SLC25A26: variants seen among roughly 807,000 people sequenced by gnomAD.
The protein encoded by SLC25A26 is mitochondrial S-adenosylmethionine carrier protein.
Under a neutral mutation model 37.8 loss-of-function variants are expected in SLC25A26, and 36 were observed. The ratio of observed to expected loss-of-function variants is 0.95; its 90% confidence interval spans 0.73 to 1.26. The LOEUF (loss-of-function observed/expected upper bound fraction) is 1.26. Ranked by LOEUF, SLC25A26 falls within the 50% of genes most tolerant of loss-of-function variation. The pLI is 0.00. For missense variants in SLC25A26, 390 were observed against 331.1 expected, an observed-to-expected ratio of 1.18 and a Z score of -1.38; for synonymous variants, 129 against 122.5, an observed-to-expected ratio of 1.05 and a Z score of -0.35.
upstream of SLC25A26, among the ~76,000 whole-genome samples, chr3:66,220,245 T>A (rs549422567): frequency 7.4e-4 from 112 of 152,208 alleles, no homozygotes; most frequent in Non-Finnish European, 1.4e-3. Flanking sequence ...ATCATAGGGT[T>A]GGTGAAAGGA....
At chr3:66,338,967 A>G (rs1404509412) in intron 5 of SLC25A26, among the ~76,000 whole-genome samples, 3 of 151,684 alleles carry the variant, frequency 2.0e-5, no homozygotes, top group Non-Finnish European at 4.4e-5. Flanking sequence ...ACCATATTTT[A>G]TTTATTCATT....
intron 5 of SLC25A26, among the ~76,000 whole-genome samples, chr3:66,335,223 A>T (rs2076067008): frequency 6.6e-6 from 1 of 152,206 alleles, no homozygotes; most frequent in Non-Finnish European, 1.5e-5. Context: ...TGTATAAAGC[A>T]GATTATTTGT....
intron 5 of SLC25A26, among the ~76,000 whole-genome samples, chr3:66,264,375 G>A (rs1219162303): frequency 6.6e-6 from 1 of 152,184 alleles, no homozygotes; most frequent in Non-Finnish European, 1.5e-5. Context: ...AGCCTTCTAA[G>A]ACAGGGACCC....
At chr3:66,323,757 G>A (rs2107652088) in intron 5 of SLC25A26, 1 of 152,350 alleles carries the variant, frequency 6.6e-6, no homozygotes, top group African/African-American at 2.4e-5. Flanking sequence ...GGGCTGCAGT[G>A]AACCTTGTTT....
At chr3:66,375,053 C>G (rs900600090) in intron 9 of SLC25A26, among the ~76,000 whole-genome samples, 6 of 152,152 alleles carry the variant, frequency 3.9e-5, no homozygotes, top group Admixed American at 3.9e-4. Context: ...AGTGAATACA[C>G]AAATGATAAG....
intron 1 of SLC25A26, among the ~76,000 whole-genome samples, chr3:66,177,102 C>T (rs2070600821): frequency 6.6e-6 from 1 of 152,150 alleles, no homozygotes; most frequent in Admixed American, 6.5e-5. Flanking sequence ...TCCTCTGTCT[C>T]CCTTTGGCAT....
chr3:66,287,078 C>T (rs973067298), intron 5 of SLC25A26, among the ~76,000 whole-genome samples: 1 of 152,088 alleles, frequency 6.6e-6, no homozygotes, highest in Admixed American at 6.5e-5. Flanking sequence ...GGGCAGATCA[C>T]GAGGTCAGGA....
In SLC25A26 at chr3:66,266,859, G is replaced by A. The variant is rs180826777; in HGVS notation, c.453+3480G>A. Among the ~76,000 whole-genome samples, 450 of 152,266 alleles carry A rather than the reference G, an allele frequency of 3.0e-3. 7 individuals are homozygous for A. Among genetic ancestry groups the A allele is most frequent in the African/African-American group, 1.0e-2 (414 of 41,542 alleles). On this transcript the variant is annotated intron_variant, in intron 5 of 9. Transcript: ENST00000354883. ...TCCAGGATGATTTGAGATGCTATTG[G>A]CCTGAAAATTTTATGGAGAGCAGCC... is the stretch of plus-strand genomic sequence containing the variant.
At chr3:66,137,516 C>A (rs1205242355) in intron 1 of SLC25A26, among the ~76,000 whole-genome samples, 1 of 152,132 alleles carries the variant, frequency 6.6e-6, no homozygotes, top group Admixed American at 6.5e-5. Context: ...GCATGAACAA[C>A]CACACCCAGC....
intron 1 of SLC25A26, among the ~76,000 whole-genome samples, chr3:66,136,578 A>T (rs1245310307): frequency 6.6e-6 from 1 of 152,222 alleles, no homozygotes; most frequent in African/African-American, 2.4e-5. Context: ...GATGGCTTTT[A>T]GTTTCATGTT....
intron 6 of SLC25A26, among the ~76,000 whole-genome samples, chr3:66,349,157 G>T (rs1182933284): frequency 1.3e-5 from 2 of 152,184 alleles, no homozygotes; most frequent in Non-Finnish European, 2.9e-5. Context: ...GAATTTTTCA[G>T]AGTAATCATA....
chr3:66,333,606 C>T (rs925027485), intron 5 of SLC25A26, among the ~76,000 whole-genome samples: 1 of 152,156 alleles, frequency 6.6e-6, no homozygotes, highest in African/African-American at 2.4e-5. Context: ...TTTCTGGATG[C>T]TCAGCCTCTT....
intron 5 of SLC25A26, among the ~76,000 whole-genome samples, chr3:66,331,666 T>G (rs1195166695): frequency 3.9e-5 from 6 of 152,204 alleles, no homozygotes; most frequent in Admixed American, 3.9e-4. Flanking sequence ...GGTTTCTTTT[T>G]TAAAAAATGT....
At chr3:66,367,195 C>T (rs1000400359) in intron 7 of SLC25A26, among the ~76,000 whole-genome samples, 1 of 152,164 alleles carries the variant, frequency 6.6e-6, no homozygotes, top group African/African-American at 2.4e-5. Flanking sequence ...TGCTGTGAGC[C>T]AGATGCTGTT....
At chr3:66,183,791 C>G (rs1386993334) in intron 1 of SLC25A26, among the ~76,000 whole-genome samples, 1 of 152,080 alleles carries the variant, frequency 6.6e-6, no homozygotes, top group African/African-American at 2.4e-5. Flanking sequence ...AAATAAGCAC[C>G]TGACCCTGAA....
intron 9 of SLC25A26, among the ~76,000 whole-genome samples, chr3:66,375,905 A>G (rs2107874727): frequency 6.6e-6 from 1 of 151,956 alleles, no homozygotes; most frequent in Admixed American, 6.6e-5. Context: ...TGGGCAAAGT[A>G]AATTGGAAGC....
upstream of SLC25A26, among the ~76,000 whole-genome samples, chr3:66,219,552 C>T (rs1046168800): frequency 1.3e-5 from 2 of 152,110 alleles, no homozygotes. Context: ...TTGAGAGGGC[C>T]TACAGGCAGC....
At chr3:66,221,272 G>C in intron 1 of SLC25A26, 145 bp downstream of exon 1, 1 of 871,226 alleles carries the variant, frequency 1.1e-6, no homozygotes, top group South Asian at 1.9e-5. Flanking sequence ...GAGGGAGCAC[G>C]AGGCTCCCAG....
chr3:66,187,989 G>A (rs1422034280), intron 1 of SLC25A26, among the ~76,000 whole-genome samples: 2 of 152,016 alleles, frequency 1.3e-5, no homozygotes, highest in Non-Finnish European at 2.9e-5. Flanking sequence ...TGCTGACTAT[G>A]ACCCTCCTCA....
Sources: gnomAD v4.1 joint callset for allele counts (sites outside exome capture counted in the v4.1 genomes callset) on GRCh38, gnomAD v4.1.1 for gene constraint, MANE v1.5 for transcripts, NCBI Gene and HGNC (gene_info 2026-07-23, HGNC 2026-07-21) for gene names.